The following YWHAG variants were observed in gnomAD, a reference collection of about 807,000 sequenced individuals.
YWHAG encodes the protein tyrosine 3-monooxygenase/tryptophan 5-monooxygenase activation protein gamma, also known as 14-3-3 protein gamma.
A neutral mutation model predicts 23.3 loss-of-function variants in YWHAG; 1 was observed. That is an observed-to-expected ratio of 0.04 (90% CI 0.02 to 0.20). The LOEUF (loss-of-function observed/expected upper bound fraction) is 0.20. YWHAG is among the 10% of genes least tolerant of loss of function. The pLI is 1.00. For synonymous variants in YWHAG, 160 were observed against 144.0 expected (o/e 1.11, Z -0.80); for missense variants, 151 against 338.6 (o/e 0.45, Z 4.35).
rs1803484520 is a variant in YWHAG, at chr7:76,328,348, A to G, written c.*1229T>C. ...AGTTCAGTGTTTGTTATCTGGTAACAGTTTTTTTATCTTCCTACAATTACT... is the reference window on the plus strand; with the variant it reads ...AGTTCAGTGTTTGTTATCTGGTAACGGTTTTTTTATCTTCCTACAATTACT... On this transcript the variant is annotated 3_prime_UTR_variant, in exon 2 of 2. Coordinates refer to ENST00000307630, the MANE Select transcript of YWHAG (RefSeq NM_012479.4). The G allele has an allele frequency of 6.6e-6, 1 of 152,234 alleles. No homozygotes were observed. The highest frequency in any genetic ancestry group is 1.5e-5 in the Non-Finnish European group (1 of 68,036). 9.4% of individuals were successfully genotyped at this position (152,234 alleles called of 1,614,324 possible).
intron 1 of YWHAG, among the ~76,000 whole-genome samples, chr7:76,337,084 T>C (rs1357919248): frequency 6.6e-6 from 1 of 152,180 alleles, no homozygotes; most frequent in Non-Finnish European, 1.5e-5. Context: ...AATAACCTTA[T>C]GTATCTGAAA....
intron 1 of YWHAG, among the ~76,000 whole-genome samples, chr7:76,338,442 G>T (rs1468057948): frequency 6.6e-6 from 1 of 152,140 alleles, no homozygotes; most frequent in African/African-American, 2.4e-5. Flanking sequence ...TCCACAAGGT[G>T]GGTATTACAC....
At chr7:76,330,429 A>C (rs1017070154) in intron 1 of YWHAG, among the ~76,000 whole-genome samples, 196 bp from the exon 2 acceptor site, 1 of 152,200 alleles carries the variant, frequency 6.6e-6, no homozygotes, top group Non-Finnish European at 1.5e-5. Flanking sequence ...TCAATGGATC[A>C]ACGGTGTCTG....
chr7:76,358,650 C>G, intron 1 of YWHAG, 72 bp downstream of exon 1: 7 of 1,437,412 alleles, frequency 4.9e-6, no homozygotes, highest in Non-Finnish European at 6.6e-6. Flanking sequence ...CGACGAAGCC[C>G]CGGGCCTTCC....
intron 1 of YWHAG, among the ~76,000 whole-genome samples, chr7:76,335,381 G>A (rs1803602219): frequency 6.6e-6 from 1 of 152,194 alleles, no homozygotes; most frequent in Admixed American, 6.5e-5. Context: ...TGACTTAAAA[G>A]ATGTTAAAGA....
intron 1 of YWHAG, among the ~76,000 whole-genome samples, chr7:76,338,742 T>C (rs1803650184): frequency 1.3e-5 from 2 of 152,062 alleles, no homozygotes; most frequent in Non-Finnish European, 2.9e-5. Context: ...ATAGGAAAAA[T>C]GCTCAACCTC....
chr7:76,345,848 T>C (rs974939595), intron 1 of YWHAG, among the ~76,000 whole-genome samples: 1 of 152,058 alleles, frequency 6.6e-6, no homozygotes, highest in East Asian at 1.9e-4. Flanking sequence ...GGCAGCAGAA[T>C]TGCTTGAACC....
intron 1 of YWHAG, among the ~76,000 whole-genome samples, chr7:76,345,179 C>T (rs893987446): frequency 2.7e-5 from 4 of 150,180 alleles, no homozygotes; most frequent in Non-Finnish European, 5.9e-5. Flanking sequence ...TAAGCCTATC[C>T]TAAGGCTTTT....
At chr7:76,343,591 T>A (rs1803731503) in intron 1 of YWHAG, among the ~76,000 whole-genome samples, 1 of 152,182 alleles carries the variant, frequency 6.6e-6, no homozygotes, top group South Asian at 2.1e-4. Flanking sequence ...TAGTAATTCC[T>A]CCTGATTCTG....
At chr7:76,344,268 G>A (rs375027189) in intron 1 of YWHAG, among the ~76,000 whole-genome samples, 157 of 152,180 alleles carry the variant, frequency 1.0e-3, no homozygotes, top group African/African-American at 3.4e-3. Context: ...ATGCCACCAC[G>A]TCTGGCTAAT....
Position 76,329,472 on chromosome 7 carries a change from A to C in YWHAG, c.*105T>G. 7.6e-7 allele frequency: 1 copy of C among 1,314,232 alleles called. No homozygotes were observed. Among genetic ancestry groups the C allele is most frequent in the Non-Finnish European group, 1.0e-6 (1 of 982,482 alleles). The allele number at this position is 1,314,232 out of a possible 1,614,324, so 81.4% of individuals were successfully genotyped here. Reference sequence around the variant, plus strand: ...GACAGGTCGTGGGTTTCTCCCTGGGAAGGTCATCCCTCCCTTTCCCTCCCC... The same window carrying C: ...GACAGGTCGTGGGTTTCTCCCTGGGCAGGTCATCCCTCCCTTTCCCTCCCC... On this transcript the variant is annotated 3_prime_UTR_variant, in exon 2 of 2. Coordinates refer to ENST00000307630, the MANE Select transcript of YWHAG (RefSeq NM_012479.4). This position sits in a 1 kb window ranked among gnomAD's most constrained non-coding sequence, Gnocchi z 6.1.
intron 1 of YWHAG, among the ~76,000 whole-genome samples, chr7:76,352,763 C>T (rs1316691446): frequency 1.3e-5 from 2 of 151,998 alleles, no homozygotes; most frequent in Non-Finnish European, 2.9e-5. Flanking sequence ...GATTCTCCTA[C>T]CTCAGCCTCT....
chr7:76,334,385 T>C (rs1158608021), intron 1 of YWHAG, among the ~76,000 whole-genome samples: 1 of 152,128 alleles, frequency 6.6e-6, no homozygotes, highest in Admixed American at 6.5e-5. Context: ...TCTTGTATCA[T>C]TTGGGAAGGG....
rs761870996 is a variant in YWHAG, at chr7:76,329,290, G to A, written c.*287C>T. 8.2e-6 allele frequency: 3 copies of A among 365,416 alleles called. No individual in the cohort carries two copies. The highest frequency in any genetic ancestry group is 9.9e-6 in the Non-Finnish European group (2 of 202,004). The allele number at this position is 365,416 out of a possible 1,614,324, so 22.6% of individuals were successfully genotyped here. A position where few individuals can be genotyped will look rare whatever the true frequency, so the allele number is the denominator to read the frequency against. Reference sequence around the variant, plus strand: ...TTTCATCTGAAAACCCTATTATCTAGCAATAAGTTAAATTAGAGACAGACA... The same window carrying A: ...TTTCATCTGAAAACCCTATTATCTAACAATAAGTTAAATTAGAGACAGACA... On this transcript the variant is annotated 3_prime_UTR_variant, in exon 2 of 2. Transcript: ENST00000307630. This position sits in a 1 kb window ranked among gnomAD's most constrained non-coding sequence, Gnocchi z 6.1.
chr7:76,353,043 T>G (rs562106299), intron 1 of YWHAG, among the ~76,000 whole-genome samples: 1 of 152,214 alleles, frequency 6.6e-6, no homozygotes, highest in Non-Finnish European at 1.5e-5. Flanking sequence ...ACTTAACAAG[T>G]GAAATGCTGG....
chr7:76,358,303 C>G (rs910329500), intron 1 of YWHAG, among the ~76,000 whole-genome samples: 3 of 152,178 alleles, frequency 2.0e-5, no homozygotes, highest in Non-Finnish European at 4.4e-5. Context: ...CGCCCAGACA[C>G]CAGGGAGAGA....
rs538229667 is a variant in YWHAG, at chr7:76,327,323, T to C, written c.*2254A>G. On this transcript the variant is annotated 3_prime_UTR_variant, in exon 2 of 2. Coordinates refer to ENST00000307630, the MANE Select transcript of YWHAG (RefSeq NM_012479.4). ...AGTTAATCAATTTCAAGCTACTGTATAGAAATACAACACTAGCATGCACAA... is the reference window on the plus strand; with the variant it reads ...AGTTAATCAATTTCAAGCTACTGTACAGAAATACAACACTAGCATGCACAA... The C allele has an allele frequency of 5.3e-5, 8 of 152,258 alleles. No individual in the cohort carries two copies. Among genetic ancestry groups the C allele is most frequent in the African/African-American group, 1.2e-4 (5 of 41,538 alleles). The allele number at this position is 152,258 out of a possible 1,614,324, so 9.4% of individuals were successfully genotyped here.
At chr7:76,358,458 T>C (rs1471199171) in intron 1 of YWHAG, among the ~76,000 whole-genome samples, 1 of 151,964 alleles carries the variant, frequency 6.6e-6, no homozygotes, top group Non-Finnish European at 1.5e-5. Context: ...CGCTCCCAAG[T>C]CCAGCCCCGC....
chr7:76,342,076 C>T (rs1051983546), intron 1 of YWHAG, among the ~76,000 whole-genome samples: 1 of 152,138 alleles, frequency 6.6e-6, no homozygotes, highest in Non-Finnish European at 1.5e-5. Flanking sequence ...ACCTCTGGCT[C>T]TTACATTTAA....
Sources: gnomAD v4.1 joint callset for allele counts (sites outside exome capture counted in the v4.1 genomes callset) on GRCh38, gnomAD v4.1.1 for gene constraint, Gnocchi (gnomAD v3.1) non-coding constraint, MANE v1.5 for transcripts, NCBI Gene and HGNC (gene_info 2026-07-23, HGNC 2026-07-21) for gene names.